ZNF609: variants seen among roughly 807,000 people sequenced by gnomAD.
ZNF609 encodes zinc finger protein 609.
ZNF609 carries 11 observed loss-of-function variants against 109.5 expected under a neutral mutation model. The ratio of observed to expected loss-of-function variants is 0.10; its 90% CI spans 0.06 to 0.17. The LOEUF is 0.17. Ranked by LOEUF, ZNF609 falls within the 10% of genes least tolerant of loss-of-function variation. ZNF609 has a pLI of 1.00. For missense variants in ZNF609, 1,559 were observed against 1,772.4 expected, an observed-to-expected ratio of 0.88 and a Z score of 2.16; for synonymous variants, 646 against 662.0, an observed-to-expected ratio of 0.98 and a Z score of 0.37.
intron 3 of ZNF609, chr15:64,631,294 G>T (rs1896071634): frequency 1.5e-6 from 1 of 668,970 alleles, no homozygotes; most frequent in East Asian, 2.9e-5. Context: ...TTGGCTTTTA[G>T]AGAGTGAGTG....
rs568302538 is a variant in ZNF609 at position 64,557,278 on chromosome 15, C to T, written c.747+57112C>T. Among the ~76,000 whole-genome samples, 5 of 150,010 alleles carry T rather than the reference C, an allele frequency of 3.3e-5. No individual in the cohort carries two copies. In the East Asian group the frequency reaches 5.8e-4, roughly 17 times the overall value. ...ATAGTAGATGGTCAGATTTTTTGTA[C>T]GTGCAGTGATTTCAGAGAACATTGA... is the stretch of plus-strand genomic sequence containing the variant. On this transcript the variant is annotated intron_variant, in intron 2 of 9. Transcript: ENST00000326648.
chr15:64,540,693 C>T (rs557611816), intron 2 of ZNF609, among the ~76,000 whole-genome samples: 42 of 151,484 alleles, frequency 2.8e-4, no homozygotes, highest in African/African-American at 9.9e-4. Flanking sequence ...TGTGAGATAC[C>T]GTGTCCGGCC....
At chr15:64,572,955 C>T (rs976665350) in intron 2 of ZNF609, among the ~76,000 whole-genome samples, 2 of 152,134 alleles carry the variant, frequency 1.3e-5, no homozygotes, top group Non-Finnish European at 2.9e-5. Context: ...TGTGGCTCCA[C>T]GCGGGACACG....
In ZNF609 at chr15:64,490,289, T is replaced by A. The variant is rs536861479; in HGVS notation, c.-127-9004T>A. 7.6e-3 allele frequency among the ~76,000 whole-genome samples: 1,078 copies of A among 141,688 alleles called. 6 individuals carry two copies. The highest frequency in any genetic ancestry group is 0.031 in the Middle Eastern group (8 of 256). The allele number at this position is 141,688 out of a possible 152,430, so 93.0% of individuals were successfully genotyped here. The stretch of plus-strand genomic sequence containing the variant: ...CAGTAGTTGTTTTTTTTTTTTTTTT[T>A]CGAGACGGAGTTTTGCTCCCGTTGC... On this transcript the variant is annotated intron_variant, in intron 1 of 9. Transcript: ENST00000326648.
At chr15:64,470,480 A>G (rs571981920) in intron 1 of ZNF609, 2 of 152,154 alleles carry the variant, frequency 1.3e-5, no homozygotes, top group Non-Finnish European at 2.9e-5. Flanking sequence ...TGTTTCAGGA[A>G]CTTTCAGATT....
rs1180524819 is a variant in ZNF609, at chr15:64,646,634, C to CAAAAA, written c.973+23602_973+23606dup. On this transcript the variant is annotated intron_variant, in intron 3 of 9. Coordinates refer to ENST00000326648, the MANE Select transcript of ZNF609 (RefSeq NM_015042.2). ...GCACAATGGAAACAAGACTCCATCT[C>CAAAAA]AAAAAAAAAAAAAAAAAAAAAAAAC... Among the ~76,000 whole-genome samples the CAAAAA allele has an allele frequency of 4.0e-3, 124 of 30,694 alleles. 3 individuals carry two copies. Among genetic ancestry groups the CAAAAA allele is most frequent in the African/African-American group, 0.017 (123 of 7,058 alleles). 20.1% of individuals were successfully genotyped at this position (30,694 alleles called of 152,430 possible).
chr15:64,646,983 G>A (rs965678253), intron 3 of ZNF609, among the ~76,000 whole-genome samples: 9 of 148,500 alleles, frequency 6.1e-5, no homozygotes, highest in Admixed American at 2.7e-4. Context: ...ATGGTAACAC[G>A]TGCAGTGATA....
intron 2 of ZNF609, among the ~76,000 whole-genome samples, chr15:64,549,647 CAG>C (rs1894431280): frequency 6.6e-6 from 1 of 152,088 alleles, no homozygotes; most frequent in Non-Finnish European, 1.5e-5. Context: ...AATCTGGCTT[CAG>C]AGTCTGTACT....
At chr15:64,608,346 C>A (rs148529823) in intron 2 of ZNF609, among the ~76,000 whole-genome samples, 1 of 151,960 alleles carries the variant, frequency 6.6e-6, no homozygotes, top group African/African-American at 2.4e-5. Context: ...TACCATGTAC[C>A]CTTTTCCTAG....
intron 1 of ZNF609, among the ~76,000 whole-genome samples, chr15:64,490,366 C>T (rs556426959): frequency 2.0e-5 from 3 of 151,408 alleles, no homozygotes; most frequent in East Asian, 2.0e-4. Flanking sequence ...CTCCACCTCG[C>T]GGGTTCAAGT....
chr15:64,681,460 G>A (rs1002878506), intron 9 of ZNF609, 73 bp downstream of exon 9: 2 of 1,304,176 alleles, frequency 1.5e-6, no homozygotes, highest in East Asian at 2.3e-5. Context: ...AGAATCCCTA[G>A]GTGAGAAATA....
intron 2 of ZNF609, among the ~76,000 whole-genome samples, chr15:64,564,659 C>T (rs898485786): frequency 2.0e-5 from 3 of 151,512 alleles, no homozygotes; most frequent in Non-Finnish European, 4.4e-5. Context: ...CTGTATGTTC[C>T]TCTGGAAAAT....
rs771918361 is a variant in ZNF609, at chr15:64,623,047, A to G, written c.968A>G (p.Glu323Gly). 1 of 1,614,154 alleles carries G rather than the reference A, an allele frequency of 6.2e-7. No homozygotes were observed. Among genetic ancestry groups the G allele is most frequent in the South Asian group, 1.1e-5 (1 of 91,084 alleles). The change falls in exon 3 of 10, where the codon GAA (glutamate) becomes GGA (glycine). Residue 323 changes from glutamate (E) to glycine (G), a missense_variant. Physicochemically the swap from Glu to Gly is moderately conservative, Grantham distance 98 (BLOSUM62 -2). This residue lies in a region of ZNF609 where 38 missense variants were observed against 82.1 expected (regional missense o/e 0.46). Coordinates refer to ENST00000326648, the MANE Select transcript of ZNF609 (RefSeq NM_015042.2). The stretch of plus-strand genomic sequence containing the variant: ...GAAGGCATCGTGTGGCAGGAAACAG[A>G]AGATGGTAAGTGTGATATGTGGCTT... ...NLEGIVWQET[E>G]DGMLVVNVTW... is the part of the protein sequence containing the mutation.
chr15:64,671,606 A>G (rs1896732085), intron 4 of ZNF609, among the ~76,000 whole-genome samples: 1 of 152,188 alleles, frequency 6.6e-6, no homozygotes. Flanking sequence ...GGATATTTCA[A>G]TCAATGGCCC....
chr15:64,522,156 C>T (rs1183645449), intron 2 of ZNF609, among the ~76,000 whole-genome samples: 2 of 152,200 alleles, frequency 1.3e-5, no homozygotes, highest in Non-Finnish European at 2.9e-5. Context: ...AGCAACCTGT[C>T]CACTCGGTTT....
intron 2 of ZNF609, among the ~76,000 whole-genome samples, chr15:64,544,067 T>C (rs1444985083): frequency 6.6e-6 from 1 of 152,182 alleles, no homozygotes; most frequent in Non-Finnish European, 1.5e-5. Context: ...AGGCCAGGCA[T>C]GATAGCTTAC....
chr15:64,555,520 C>T (rs951296641), intron 2 of ZNF609, among the ~76,000 whole-genome samples: 3 of 151,482 alleles, frequency 2.0e-5, no homozygotes, highest in African/African-American at 4.9e-5. Flanking sequence ...AAAAATTAGC[C>T]GGGCATGGTG....
chr15:64,599,143 TA>T (rs948396757), intron 2 of ZNF609, among the ~76,000 whole-genome samples: 10 of 117,770 alleles, frequency 8.5e-5, no homozygotes, highest in African/African-American at 1.8e-4. Context: ...CTGAGCAAAG[TA>T]AAAAAAAAAG....
intron 2 of ZNF609, among the ~76,000 whole-genome samples, chr15:64,532,887 T>G (rs1894081562): frequency 6.6e-6 from 1 of 152,166 alleles, no homozygotes; most frequent in African/African-American, 2.4e-5. Context: ...TAAATCCACA[T>G]TTAATCTCCT....
Sources: allele counts gnomAD v4.1 joint callset (sites outside exome capture counted in the v4.1 genomes callset), GRCh38; gene constraint gnomAD v4.1.1; regional missense constraint gnomAD v4.1.1; transcripts MANE v1.5; gene names NCBI Gene and HGNC (gene_info 2026-07-23, HGNC 2026-07-21).